The following MTDH variants were observed in gnomAD, a reference collection of about 807,000 sequenced individuals.
MTDH encodes metadherin.
A neutral mutation model predicts 72.7 loss-of-function variants in MTDH; 34 were observed. The observed-to-expected ratio is 0.47, with a 90% CI of 0.36 to 0.62. The LOEUF is 0.62. Among genes scored for constraint, MTDH ranks in the 20% least tolerant of loss-of-function variants. The pLI, the probability that MTDH is intolerant of heterozygous loss-of-function variation, is 0.00. For synonymous variants in MTDH, 266 were observed against 268.9 expected (o/e 0.99, Z 0.10); for missense variants, 677 against 699.4 (o/e 0.97, Z 0.36).
Position 97,730,155 on chromosome 8 carries a change from A to G in MTDH, c.*5485A>G, listed in dbSNP as rs769601699. On this transcript the variant is annotated 3_prime_UTR_variant, in exon 12 of 12. Coordinates refer to ENST00000336273, the MANE Select transcript of MTDH (RefSeq NM_178812.4). ...ATGATAGTGGCATTCTTATTTGTAT[A>G]TATGTGCTTTCCTTTTTTATTTGTA... is the stretch of plus-strand genomic sequence containing the variant. 1.3e-5 allele frequency among the ~76,000 whole-genome samples: 2 copies of G among 152,222 alleles called. No homozygotes were observed. The highest frequency in any genetic ancestry group is 2.4e-5 in the African/African-American group (1 of 41,458).
At position 97,687,473 on chromosome 8, in the gene MTDH, C is replaced by T. The variant is rs180867681; in HGVS notation, c.613C>T (p.Arg205Cys). ...KISHREKRQQ[R>C]KRDKVLTDSG... ...TAGTCACAGAGAGAAACGACAGCAG[C>T]GTAAACGTGATAAGGTGCTGACTGA... Residue 205 changes from arginine to cysteine, a missense_variant, in exon 4 of 12, where the codon CGT becomes TGT. By Grantham distance (180) the Arg-to-Cys change is radical (BLOSUM62 -3). Around this residue, in one of 3 missense-constraint regions of MTDH, gnomAD observed 467 missense variants for 469.1 expected, o/e 1.00. Transcript: ENST00000336273. The T allele has an allele frequency of 1.9e-6, 3 of 1,610,782 alleles. No homozygotes were observed. The highest frequency in any genetic ancestry group is 2.2e-5 in the East Asian group (1 of 44,678).
rs1813588181 is a variant in MTDH, at chr8:97,691,081, A to G, written c.941A>G (p.Lys314Arg). Residue 314 changes from lysine (K) to arginine (R), a missense_variant, in exon 6 of 12, where the codon AAG (lysine) becomes AGG (arginine). Around this residue, in one of 3 missense-constraint regions of MTDH, gnomAD observed 467 missense variants for 469.1 expected, o/e 1.00. Transcript: ENST00000336273. Reference sequence around the variant, plus strand: ...TCCGTTTCACCTGCTTCTGCAGGAAAGAGGAAAACTGAGCCATCTGCCTGG... The same window carrying G: ...TCCGTTTCACCTGCTTCTGCAGGAAGGAGGAAAACTGAGCCATCTGCCTGG... ...WNSVSPASAG[K>R]RKTEPSAWSQ... 6.2e-7 allele frequency: 1 copy of G among 1,614,204 alleles called. No individual in the cohort carries two copies. Among genetic ancestry groups the G allele is most frequent in the Non-Finnish European group, 8.5e-7 (1 of 1,180,022 alleles).
chr8:97,696,314 T>A (rs1813832157), intron 6 of MTDH: 2 of 975,600 alleles, frequency 2.1e-6, no homozygotes, highest in African/African-American at 3.5e-5. Context: ...AACAGTCTTT[T>A]GTTCAGCTAA....
intron 8 of MTDH, among the ~76,000 whole-genome samples, chr8:97,709,431 A>G (rs1036373410): frequency 6.6e-6 from 1 of 152,216 alleles, no homozygotes; most frequent in Non-Finnish European, 1.5e-5. Context: ...AATGGAATAA[A>G]GACTTTATCC....
intron 6 of MTDH, among the ~76,000 whole-genome samples, chr8:97,695,666 AAGT>A (rs1284133738): frequency 6.6e-6 from 1 of 152,142 alleles, no homozygotes; most frequent in Non-Finnish European, 1.5e-5. Context: ...AATATTGAGA[AAGT>A]AGCATGGTAT....
intron 1 of MTDH, among the ~76,000 whole-genome samples, chr8:97,660,790 C>T (rs1457022076): frequency 6.6e-6 from 1 of 151,956 alleles, no homozygotes; most frequent in African/African-American, 2.4e-5. Flanking sequence ...TTTTGTTCTC[C>T]TTTTAACTGC....
intron 7 of MTDH, among the ~76,000 whole-genome samples, chr8:97,702,428 C>T (rs1814169953): frequency 6.6e-6 from 1 of 152,134 alleles, no homozygotes; most frequent in African/African-American, 2.4e-5. Flanking sequence ...AACAATTCCT[C>T]CCAAACAGTA....
At chr8:97,671,550 T>C (rs1484136180) in intron 2 of MTDH, among the ~76,000 whole-genome samples, 5 of 152,130 alleles carry the variant, frequency 3.3e-5, no homozygotes, top group Non-Finnish European at 7.3e-5. Context: ...GTTTGTATGA[T>C]AGATATAACC....
At chr8:97,682,280 A>ATATT in intron 2 of MTDH, among the ~76,000 whole-genome samples, 1 of 3,630 alleles carries the variant, frequency 2.8e-4, no homozygotes, top group Admixed American at 7.5e-3. Context: ...ATATATATAT[A>ATATT]TTTTTTTTTT....
intron 2 of MTDH, among the ~76,000 whole-genome samples, chr8:97,682,406 C>T (rs1425075593): frequency 7.0e-6 from 1 of 142,272 alleles, no homozygotes. Flanking sequence ...TCAAGCGATT[C>T]TCCTGCCTCA....
chr8:97,723,411 T>C (rs1335071564), intron 11 of MTDH, among the ~76,000 whole-genome samples: 1 of 134,616 alleles, frequency 7.4e-6, no homozygotes, highest in East Asian at 2.3e-4. Context: ...AAAAAAAACG[T>C]CTAATGGATT....
chr8:97,681,126 A>G (rs564711701), intron 2 of MTDH, among the ~76,000 whole-genome samples: 1 of 148,246 alleles, frequency 6.7e-6, no homozygotes, highest in East Asian at 1.9e-4. Context: ...GCTGGGTCAG[A>G]AAAAAAAAAT....
chr8:97,661,081 C>T lies in MTDH; in HGVS notation c.391C>T (p.Arg131Trp), dbSNP rs758753771. The T allele has an allele frequency of 1.1e-5, 18 of 1,611,964 alleles. No individual in the cohort carries two copies. The highest frequency in any genetic ancestry group is 2.2e-5 in the East Asian group (1 of 44,848). ...KLSEKPKPNG[R>W]TVEVAEGEAV... ...TTTGTTGCCTGTGCAGCCAAATGGG[C>T]GGACTGTTGAAGTGGCTGAGGGTGA... Residue 131 changes from arginine to tryptophan, a missense_variant, in exon 2 of 12, where the codon CGG (arginine) becomes TGG (tryptophan). By Grantham distance (101) the Arg-to-Trp change is moderately radical. Coordinates refer to ENST00000336273, the MANE Select transcript of MTDH (RefSeq NM_178812.4).
At chr8:97,722,795 AACC>A in intron 10 of MTDH, 81 bp from the exon 11 acceptor site, 2 of 1,392,272 alleles carry the variant, frequency 1.4e-6, no homozygotes, top group Non-Finnish European at 1.9e-6. Flanking sequence ...ATTGCTGCTA[AACC>A]ACCTCTTGGT....
chr8:97,698,969 A>G (rs1286406864), intron 6 of MTDH, among the ~76,000 whole-genome samples: 1 of 151,696 alleles, frequency 6.6e-6, no homozygotes, highest in African/African-American at 2.4e-5. Context: ...GGAAGACCCT[A>G]TCTCTACGAA....
chr8:97,713,795 C>A, intron 9 of MTDH, 26 bp downstream of exon 9: 1 of 1,349,784 alleles, frequency 7.4e-7, no homozygotes, highest in East Asian at 2.4e-5. Flanking sequence ...AACAAGCATT[C>A]ATTAAGCGCC....
intron 2 of MTDH, among the ~76,000 whole-genome samples, chr8:97,681,274 G>C (rs1446663334): frequency 6.6e-6 from 1 of 152,034 alleles, no homozygotes; most frequent in African/African-American, 2.4e-5. Flanking sequence ...TGTTCAAAGA[G>C]GTACCAGTCT....
intron 7 of MTDH, among the ~76,000 whole-genome samples, chr8:97,700,854 C>G (rs1277618979): frequency 6.6e-6 from 1 of 152,188 alleles, no homozygotes; most frequent in South Asian, 2.1e-4. Flanking sequence ...TCTGGTACAG[C>G]CTTGGTGATG....
intron 6 of MTDH, among the ~76,000 whole-genome samples, chr8:97,691,876 G>T (rs1423477381): frequency 4.6e-5 from 7 of 151,540 alleles, no homozygotes; most frequent in South Asian, 2.1e-4. Flanking sequence ...GTTGTTTTTT[G>T]TTTGTTTGTT....
Sources: gnomAD v4.1 joint callset for allele counts (sites outside exome capture counted in the v4.1 genomes callset) on GRCh38, gnomAD v4.1.1 for gene constraint, gnomAD v4.1.1 regional missense constraint, MANE v1.5 for transcripts, NCBI Gene and HGNC (gene_info 2026-07-23, HGNC 2026-07-21) for gene names.